CLSTN2: variants seen among roughly 807,000 people sequenced by gnomAD.
CLSTN2 encodes calsyntenin 2, also known as calsyntenin-2.
In CLSTN2, 48 loss-of-function variants were observed where a neutral mutation model predicts 101.2. The observed-to-expected ratio is 0.47, with a 90% confidence interval of 0.38 to 0.60. The LOEUF (loss-of-function observed/expected upper bound fraction) is 0.60, where lower values mean the gene tolerates loss of function less well. CLSTN2 is among the 20% of genes least tolerant of loss of function. The pLI, the probability that CLSTN2 is intolerant of heterozygous loss-of-function variation, is 0.00. For missense variants in CLSTN2, 1,160 were observed against 1,238.2 expected, an observed-to-expected ratio of 0.94 and a Z score of 0.95; for synonymous variants, 481 against 463.6, an observed-to-expected ratio of 1.04 and a Z score of -0.48.
chr3:139,968,247 C>T (rs1318754457), intron 1 of CLSTN2, among the ~76,000 whole-genome samples: 1 of 152,118 alleles, frequency 6.6e-6, no homozygotes, highest in Non-Finnish European at 1.5e-5. Context: ...TCCCTTGGAA[C>T]AGTGCAATAC....
chr3:140,138,575 A>T (rs2009649842), intron 1 of CLSTN2, among the ~76,000 whole-genome samples: 2 of 152,226 alleles, frequency 1.3e-5, no homozygotes, highest in South Asian at 4.1e-4. Flanking sequence ...CTGAAGGACA[A>T]ACTCATCAAG....
chr3:140,344,915 G>T (rs2087528908), intron 2 of CLSTN2, among the ~76,000 whole-genome samples: 1 of 152,160 alleles, frequency 6.6e-6, no homozygotes, highest in Non-Finnish European at 1.5e-5. Context: ...CTACACTGAT[G>T]GCTCTGGAGA....
chr3:140,450,619 C>T (rs1933222311), intron 6 of CLSTN2, among the ~76,000 whole-genome samples: 1 of 152,144 alleles, frequency 6.6e-6, no homozygotes, highest in Non-Finnish European at 1.5e-5. Context: ...GAAAAGGAGG[C>T]TGTGAATGCA....
At chr3:140,298,889 A>G (rs949992473) in intron 2 of CLSTN2, among the ~76,000 whole-genome samples, 18 of 152,198 alleles carry the variant, frequency 1.2e-4, no homozygotes, top group Non-Finnish European at 2.4e-4. Flanking sequence ...CAACCTGAAT[A>G]AAAGCTAGGG....
At chr3:140,380,899 G>A (rs950359561) in intron 2 of CLSTN2, among the ~76,000 whole-genome samples, 1 of 152,186 alleles carries the variant, frequency 6.6e-6, no homozygotes, top group Non-Finnish European at 1.5e-5. Flanking sequence ...GTGTAGTTGT[G>A]GGCCTGGTAG....
At chr3:140,149,968 G>C (rs974716801) in intron 1 of CLSTN2, among the ~76,000 whole-genome samples, 1 of 152,084 alleles carries the variant, frequency 6.6e-6, no homozygotes, top group African/African-American at 2.4e-5. Context: ...TTGTATCATG[G>C]GGCAGGGAGA....
Position 140,203,745 on chromosome 3 carries a change from C to G in CLSTN2, c.232+27672C>G, listed in dbSNP as rs868351959. Among the ~76,000 whole-genome samples the G allele has an allele frequency of 1.2e-4, 18 of 152,154 alleles. No homozygotes were observed. The Middle Eastern group carries it at 0.01, about 86-fold the overall frequency. ...AAGACAATGGCTTCTCCTGGCAGTG[C>G]TTGTTTTGGAGAGATTCCAGGGATG... On this transcript the variant is annotated intron_variant, in intron 2 of 16. Transcript: ENST00000458420.
At chr3:139,969,022 T>C (rs975837933) in intron 1 of CLSTN2, among the ~76,000 whole-genome samples, 1 of 151,296 alleles carries the variant, frequency 6.6e-6, no homozygotes. Context: ...TTAATAACAT[T>C]ATGGAGTTGT....
chr3:140,244,922 G>A (rs1012813207), intron 2 of CLSTN2, among the ~76,000 whole-genome samples: 12 of 152,154 alleles, frequency 7.9e-5, no homozygotes, highest in Non-Finnish European at 1.6e-4. Context: ...GTTTGAAAAC[G>A]CCATGGCATA....
At chr3:140,129,644 C>A (rs1016360831) in intron 1 of CLSTN2, among the ~76,000 whole-genome samples, 1 of 152,178 alleles carries the variant, frequency 6.6e-6, no homozygotes, top group East Asian at 1.9e-4. Context: ...CATCTAGCAA[C>A]CCCTTGGTTC....
At chr3:140,550,173 C>A (rs2934764) in intron 10 of CLSTN2, among the ~76,000 whole-genome samples, 11 of 151,646 alleles carry the variant, frequency 7.3e-5, no homozygotes, top group African/African-American at 2.7e-4. Context: ...CATATCAGAG[C>A]CCACCTATTA....
chr3:139,993,266 C>T (rs1936146557), intron 1 of CLSTN2, among the ~76,000 whole-genome samples: 1 of 152,134 alleles, frequency 6.6e-6, no homozygotes, highest in East Asian at 1.9e-4. Flanking sequence ...GATGGTCTCT[C>T]TCTTTCTCCT....
chr3:140,191,648 A>G (rs1400130322), intron 2 of CLSTN2, among the ~76,000 whole-genome samples: 1 of 151,944 alleles, frequency 6.6e-6, no homozygotes, highest in African/African-American at 2.4e-5. Context: ...GAATTGGTCC[A>G]TTTTGTCTAA....
chr3:140,108,622 T>C (rs1421668555), intron 1 of CLSTN2, among the ~76,000 whole-genome samples: 2 of 152,208 alleles, frequency 1.3e-5, no homozygotes, highest in Non-Finnish European at 2.9e-5. Flanking sequence ...CAGTCTCAAA[T>C]TCACAGTCAA....
chr3:140,211,795 C>G (rs1406978255), intron 2 of CLSTN2, among the ~76,000 whole-genome samples: 2 of 151,868 alleles, frequency 1.3e-5, no homozygotes, highest in Non-Finnish European at 2.9e-5. Flanking sequence ...ACTTTAACCT[C>G]CAGTGAATCA....
intron 1 of CLSTN2, among the ~76,000 whole-genome samples, chr3:140,010,285 G>A (rs1184738288): frequency 1.3e-5 from 2 of 152,176 alleles, no homozygotes; most frequent in African/African-American, 4.8e-5. Flanking sequence ...TATTCTTTGT[G>A]TTGGTGTGAA....
intron 1 of CLSTN2, among the ~76,000 whole-genome samples, chr3:140,079,851 T>C (rs2008558159): frequency 6.6e-6 from 1 of 152,282 alleles, no homozygotes; most frequent in South Asian, 2.1e-4. Context: ...AAGTTTCAAA[T>C]TGATATTTTT....
chr3:140,564,185 T>C, intron 16 of CLSTN2, 40 bp downstream of exon 16: 1 of 1,588,270 alleles, frequency 6.3e-7, no homozygotes, highest in Non-Finnish European at 8.6e-7. Context: ...GGTGGGGTGC[T>C]TCTCCCTCTA....
At chr3:140,144,159 G>T (rs4317058) in intron 1 of CLSTN2, among the ~76,000 whole-genome samples, 104,330 of 152,188 alleles carry the variant, frequency 0.69, 40,450 homozygotes, top group East Asian at 0.91. Context: ...AATTGCTAAA[G>T]AACTGACTTC....
Sources: allele counts gnomAD v4.1 joint callset (sites outside exome capture counted in the v4.1 genomes callset), GRCh38; gene constraint gnomAD v4.1.1; transcripts MANE v1.5; gene names NCBI Gene and HGNC (gene_info 2026-07-23, HGNC 2026-07-21).